ZBTB16: variants seen among roughly 807,000 people sequenced by gnomAD.
ZBTB16 encodes zinc finger and BTB domain-containing protein 16.
A neutral mutation model predicts 56.8 loss-of-function variants in ZBTB16; 8 were observed. That is an observed-to-expected ratio of 0.14 (90% CI 0.08 to 0.25). The LOEUF (loss-of-function observed/expected upper bound fraction) is 0.25. ZBTB16 is among the 10% of genes least tolerant of loss of function. ZBTB16 has a pLI of 1.00. For synonymous variants in ZBTB16, 363 were observed against 368.5 expected, an observed-to-expected ratio of 0.98 and a Z score of 0.17; for missense variants, 625 against 903.0, an observed-to-expected ratio of 0.69 and a Z score of 3.95.
intron 4 of ZBTB16, among the ~76,000 whole-genome samples, chr11:114,207,491 C>T (rs1943907568): frequency 6.6e-6 from 1 of 152,046 alleles, no homozygotes; most frequent in Non-Finnish European, 1.5e-5. Context: ...CACTGAGCCA[C>T]TTAGAATTTC....
At chr11:114,168,351 C>T (rs1942851167) in intron 3 of ZBTB16, among the ~76,000 whole-genome samples, 1 of 152,182 alleles carries the variant, frequency 6.6e-6, no homozygotes, top group Non-Finnish European at 1.5e-5. Context: ...TGCATCCTCA[C>T]AGCGGGACAC....
chr11:114,110,379 C>T (rs1042186899), intron 2 of ZBTB16, among the ~76,000 whole-genome samples: 5 of 152,228 alleles, frequency 3.3e-5, no homozygotes, highest in South Asian at 4.1e-4. Flanking sequence ...TTTTCTTTTT[C>T]GTAGGGGAAT....
At chr11:114,116,200 A>G (rs1941170696) in intron 2 of ZBTB16, among the ~76,000 whole-genome samples, 1 of 152,204 alleles carries the variant, frequency 6.6e-6, no homozygotes, top group South Asian at 2.1e-4. Context: ...TGATGGGGAC[A>G]TTAATAGCTG....
At chr11:114,249,855 C>A (rs1215085644) in intron 6 of ZBTB16, among the ~76,000 whole-genome samples, 1 of 151,066 alleles carries the variant, frequency 6.6e-6, no homozygotes, top group South Asian at 2.1e-4. Flanking sequence ...CCCTCAATTT[C>A]CCCCCACCCC....
intron 2 of ZBTB16, among the ~76,000 whole-genome samples, chr11:114,071,379 C>T (rs945445464): frequency 6.6e-6 from 1 of 152,008 alleles, no homozygotes; most frequent in Admixed American, 6.6e-5. Context: ...CCCACTCTTT[C>T]ATCTCAGTGA....
intron 4 of ZBTB16, among the ~76,000 whole-genome samples, chr11:114,195,755 G>A (rs922374834): frequency 2.6e-4 from 40 of 152,270 alleles, no homozygotes; most frequent in Admixed American, 2.0e-3. Flanking sequence ...GGAGGTGCCA[G>A]TTTCTCTCAT....
At chr11:114,096,403 T>C (rs997274197) in intron 2 of ZBTB16, among the ~76,000 whole-genome samples, 10 of 152,220 alleles carry the variant, frequency 6.6e-5, no homozygotes, top group African/African-American at 2.4e-4. Context: ...TGTTAAGTTT[T>C]TAAGCCGTTG....
intron 2 of ZBTB16, among the ~76,000 whole-genome samples, chr11:114,125,375 C>A (rs1941476910): frequency 6.6e-6 from 1 of 152,076 alleles, no homozygotes; most frequent in Admixed American, 6.6e-5. Flanking sequence ...ATCTATGTAA[C>A]CGTAGAGCAG....
At chr11:114,229,231 C>A (rs993992535) in intron 4 of ZBTB16, among the ~76,000 whole-genome samples, 8 of 152,150 alleles carry the variant, frequency 5.3e-5, no homozygotes, top group African/African-American at 1.7e-4. Context: ...ATTTTAAATG[C>A]GACACAGTAG....
At chr11:114,082,063 C>T (rs556966444) in intron 2 of ZBTB16, among the ~76,000 whole-genome samples, 51 of 140,942 alleles carry the variant, frequency 3.6e-4, no homozygotes, top group African/African-American at 1.1e-3. Context: ...AGGAGGATTG[C>T]GTGAGGCCAG....
chr11:114,214,178 A>G (rs1944048446), intron 4 of ZBTB16, among the ~76,000 whole-genome samples: 1 of 152,180 alleles, frequency 6.6e-6, no homozygotes, highest in Non-Finnish European at 1.5e-5. Context: ...CCCCATAGTA[A>G]GGGGACAGTG....
At chr11:114,247,171 G>T (rs778779924) in intron 5 of ZBTB16, 27 bp from the exon 6 acceptor site, 1 of 1,614,204 alleles carries the variant, frequency 6.2e-7, no homozygotes, top group Non-Finnish European at 8.5e-7. Context: ...AGAGGCAAAG[G>T]CCTGATCCAG....
intron 4 of ZBTB16, among the ~76,000 whole-genome samples, chr11:114,203,234 T>C (rs958315074): frequency 6.6e-6 from 1 of 152,198 alleles, no homozygotes; most frequent in Non-Finnish European, 1.5e-5. Context: ...ATTCCATTTA[T>C]GTGAAAATGT....
intron 2 of ZBTB16, among the ~76,000 whole-genome samples, chr11:114,139,869 C>T (rs1941900154): frequency 6.6e-6 from 1 of 152,104 alleles, no homozygotes; most frequent in Non-Finnish European, 1.5e-5. Context: ...AAGTGGCTGG[C>T]CAGCCTCCAA....
At chr11:114,112,610 A>G (rs1941047596) in intron 2 of ZBTB16, among the ~76,000 whole-genome samples, 1 of 152,174 alleles carries the variant, frequency 6.6e-6, no homozygotes. Flanking sequence ...CTTGAACCAT[A>G]AAGATTTCTC....
At chr11:114,243,240 C>T (rs924025538) in intron 5 of ZBTB16, among the ~76,000 whole-genome samples, 2 of 152,168 alleles carry the variant, frequency 1.3e-5, no homozygotes, top group Non-Finnish European at 2.9e-5. Context: ...GGGTTGGGGT[C>T]AGGTCTCTAT....
At chr11:114,167,252 T>TTTTTTTTTTTTTTTTTC (rs1942797944) in intron 3 of ZBTB16, among the ~76,000 whole-genome samples, 1 of 134,604 alleles carries the variant, frequency 7.4e-6, no homozygotes, top group Non-Finnish European at 1.6e-5. Context: ...TTTTTTTTTT[T>TTTTTTTTTTTTTTTTTC]TGACAAGCTT....
At chr11:114,164,279 C>T (rs543848016) in intron 3 of ZBTB16, among the ~76,000 whole-genome samples, 8 of 152,256 alleles carry the variant, frequency 5.3e-5, no homozygotes, top group Admixed American at 2.0e-4. Context: ...CTCCCTCTCT[C>T]GATGATTTTT....
At chr11:114,184,980 C>T (rs901775039) in intron 3 of ZBTB16, among the ~76,000 whole-genome samples, 5 of 151,750 alleles carry the variant, frequency 3.3e-5, no homozygotes, top group African/African-American at 4.8e-5. Flanking sequence ...TCAAGACCAA[C>T]CTGGGAAACA....
Sources: allele counts gnomAD v4.1 joint callset (sites outside exome capture counted in the v4.1 genomes callset), GRCh38; gene constraint gnomAD v4.1.1; transcripts MANE v1.5; gene names NCBI Gene and HGNC (gene_info 2026-07-23, HGNC 2026-07-21).